The following TENM2 variants were observed in gnomAD, a reference collection of about 807,000 sequenced individuals.
TENM2 encodes teneurin transmembrane protein 2, also known as teneurin-2.
Under a neutral mutation model 245.2 loss-of-function variants are expected in TENM2, and 52 were observed. The ratio of observed to expected loss-of-function variants is 0.21; its 90% confidence interval spans 0.17 to 0.27. The LOEUF (loss-of-function observed/expected upper bound fraction) is 0.27, where lower values mean the gene tolerates loss of function less well. TENM2 is among the 10% of genes least tolerant of loss of function. The pLI, the probability that TENM2 is intolerant of heterozygous loss-of-function variation, is 1.00. For missense variants in TENM2, 3,046 were observed against 3,666.8 expected (o/e 0.83, Z 4.37); for synonymous variants, 1,363 against 1,438.9 (o/e 0.95, Z 1.19).
At chr5:168,186,813 T>C (rs1760484463) in intron 13 of TENM2, 1 of 152,222 alleles carries the variant, frequency 6.6e-6, no homozygotes, top group Admixed American at 6.5e-5. Context: ...GATTGCCTGC[T>C]TGATTGTTTG....
Position 168,158,395 on chromosome 5 carries a change from C to A in TENM2, c.2423-4216C>A, listed in dbSNP as rs186178420. On this transcript the variant is annotated intron_variant, in intron 12 of 28. Transcript: ENST00000518659. ...AGGCAGACAGAAAAGATATAGTACG[C>A]CCCGATTGTTTTTATTCATTCAAGC... is the stretch of plus-strand genomic sequence containing the variant. Among the ~76,000 whole-genome samples the A allele has an allele frequency of 2.1e-4, 32 of 152,142 alleles. No homozygotes were observed. In the East Asian group the frequency reaches 4.6e-3, roughly 22 times the overall value.
intron 25 of TENM2, among the ~76,000 whole-genome samples, chr5:168,242,170 A>T (rs1314564036): frequency 6.6e-6 from 1 of 152,190 alleles, no homozygotes; most frequent in Non-Finnish European, 1.5e-5. Context: ...TTCCCAGAAG[A>T]CCAGCCAACA....
At chr5:166,979,194 CCAGCAGCAGCAGCAGCAG>C in the TENM2 span, among the ~76,000 whole-genome samples, 335 of 142,128 alleles carry the variant, frequency 2.4e-3, 1 homozygote, top group South Asian at 5.9e-3. Context: ...AGCACCACCA[CCAGCAGCAGCAGCAGCAG>C]CAGCAGCAGC....
At chr5:167,024,963 C>T in the TENM2 span, among the ~76,000 whole-genome samples, 2 of 152,148 alleles carry the variant, frequency 1.3e-5, no homozygotes, top group Admixed American at 6.5e-5. Flanking sequence ...GTCACTGAGA[C>T]ATCTTTTAAA....
chr5:167,893,753 A>C (rs1233684386), intron 3 of TENM2, among the ~76,000 whole-genome samples: 2 of 152,102 alleles, frequency 1.3e-5, no homozygotes, highest in Non-Finnish European at 2.9e-5. Flanking sequence ...TAGGACAATC[A>C]TTCAAGTATG....
chr5:168,016,424 A>G, intron 5 of TENM2, among the ~76,000 whole-genome samples: 1 of 152,258 alleles, frequency 6.6e-6, no homozygotes, highest in East Asian at 1.9e-4. Context: ...AGTTCCTGCA[A>G]CATTTCAAGG....
the TENM2 span, among the ~76,000 whole-genome samples, chr5:167,025,979 T>G: frequency 6.6e-6 from 1 of 152,206 alleles, no homozygotes; most frequent in Non-Finnish European, 1.5e-5. Context: ...TGGTGGTGAT[T>G]AGCTTTCCCT....
chr5:167,157,279 G>A, the TENM2 span, among the ~76,000 whole-genome samples: 1 of 152,162 alleles, frequency 6.6e-6, no homozygotes, highest in Non-Finnish European at 1.5e-5. Context: ...CCAAGACAGG[G>A]CAAATCAAAG....
chr5:168,130,176 A>G (rs986482338), intron 12 of TENM2: 2 of 152,248 alleles, frequency 1.3e-5, no homozygotes, highest in African/African-American at 4.8e-5. Context: ...GGATCAGTCC[A>G]TGTTTGGTTA....
At chr5:167,932,661 A>G (rs1412468500) in intron 3 of TENM2, among the ~76,000 whole-genome samples, 6 of 152,120 alleles carry the variant, frequency 3.9e-5, no homozygotes, top group Non-Finnish European at 1.5e-5. Flanking sequence ...GCCTTCCCTC[A>G]TCCGCTAAGC....
chr5:167,020,865 C>T, the TENM2 span, among the ~76,000 whole-genome samples: 2 of 152,178 alleles, frequency 1.3e-5, no homozygotes, highest in South Asian at 2.1e-4. Flanking sequence ...AGACCTAGGT[C>T]GGGCATGGCC....
chr5:168,015,719 G>A (rs1323639170), intron 5 of TENM2, among the ~76,000 whole-genome samples: 1 of 152,160 alleles, frequency 6.6e-6, no homozygotes, highest in Non-Finnish European at 1.5e-5. Context: ...TCAGCAAACA[G>A]CCATGAGAAA....
At chr5:167,858,671 G>A (rs1771316762) in intron 2 of TENM2, among the ~76,000 whole-genome samples, 1 of 151,320 alleles carries the variant, frequency 6.6e-6, no homozygotes, top group Non-Finnish European at 1.5e-5. Context: ...CAGTCGCGGC[G>A]CTGACGCCCG....
chr5:167,546,197 G>A lies in TENM2; in HGVS notation c.502+170724G>A, dbSNP rs189050001. Among the ~76,000 whole-genome samples, 59 of 152,326 alleles carry A rather than the reference G, an allele frequency of 3.9e-4. 2 individuals carry two copies. The highest frequency in any genetic ancestry group is 1.4e-3 in the African/African-American group (58 of 41,580). On this transcript the variant is annotated intron_variant, in intron 2 of 28. Coordinates refer to ENST00000518659, the Ensembl canonical transcript of TENM2. ...CAGAGTTTATACACTTAGCTGCCAT[G>A]CTGCGTGGACCACCTAATGGAGAAC...
chr5:168,053,987 G>T (rs1789327826), intron 6 of TENM2, among the ~76,000 whole-genome samples: 1 of 152,194 alleles, frequency 6.6e-6, no homozygotes, highest in African/African-American at 2.4e-5. Flanking sequence ...GTGATTAGCA[G>T]CCACTCAATA....
chr5:168,055,859 A>T lies in TENM2; in HGVS notation c.1310-6201A>T, dbSNP rs113989373. Among the ~76,000 whole-genome samples the T allele has an allele frequency of 2.6e-5, 4 of 152,342 alleles. No individual in the cohort carries two copies. The East Asian group carries it at 5.8e-4, about 22-fold the overall frequency. On this transcript the variant is annotated intron_variant, in intron 6 of 28. Transcript: ENST00000518659. Reference sequence around the variant, plus strand: ...GCCCAAAGGCACACAGCTGGTAGCTATCAGAGCTGGGATTCAAACCCAGGC... The same window carrying T: ...GCCCAAAGGCACACAGCTGGTAGCTTTCAGAGCTGGGATTCAAACCCAGGC...
chr5:168,046,648 C>T (rs533915094), intron 5 of TENM2, among the ~76,000 whole-genome samples: 17 of 152,230 alleles, frequency 1.1e-4, no homozygotes, highest in Admixed American at 2.6e-4. Context: ...CTTCTTCAGA[C>T]GTGCTCAGTT....
chr5:167,635,113 T>A (rs1489792101), intron 2 of TENM2, among the ~76,000 whole-genome samples: 1 of 152,190 alleles, frequency 6.6e-6, no homozygotes, highest in Non-Finnish European at 1.5e-5. Flanking sequence ...ATTTATCACA[T>A]CCTTGTAAAA....
intron 2 of TENM2, among the ~76,000 whole-genome samples, chr5:167,807,085 T>C (rs977950896): frequency 2.5e-5 from 3 of 119,414 alleles, no homozygotes; most frequent in African/African-American, 3.3e-5. Flanking sequence ...TCATAAATCA[T>C]ATTATTCGAC....
Sources: allele counts gnomAD v4.1 joint callset (sites outside exome capture counted in the v4.1 genomes callset), GRCh38; gene constraint gnomAD v4.1.1; transcripts MANE v1.5; gene names NCBI Gene and HGNC (gene_info 2026-07-23, HGNC 2026-07-21).